CNBD1: variants seen among roughly 807,000 people sequenced by gnomAD.
CNBD1 encodes cyclic nucleotide-binding domain-containing protein 1.
A neutral mutation model predicts 54.4 loss-of-function variants in CNBD1; 71 were observed. The ratio of observed to expected loss-of-function variants is 1.30; its 90% CI spans 1.08 to 1.59. CNBD1 has a LOEUF of 1.59. CNBD1 is among the 40% of genes most tolerant of loss of function. The pLI is 0.00. For missense variants in CNBD1, 659 were observed against 518.0 expected (o/e 1.27, Z -2.64); for synonymous variants, 182 against 170.7 (o/e 1.07, Z -0.51).
chr8:87,153,257 T>C (rs949990061), intron 4 of CNBD1, among the ~76,000 whole-genome samples: 1 of 152,206 alleles, frequency 6.6e-6, no homozygotes, highest in African/African-American at 2.4e-5. Flanking sequence ...GTGTCTGTAA[T>C]TATTTTGCTC....
At chr8:87,162,837 G>A (rs1338288260) in intron 4 of CNBD1, among the ~76,000 whole-genome samples, 1 of 152,060 alleles carries the variant, frequency 6.6e-6, no homozygotes, top group African/African-American at 2.4e-5. Context: ...CAGAATTCAG[G>A]TGTTGCCAAC....
chr8:87,264,429 T>C (rs1162633558), intron 6 of CNBD1, among the ~76,000 whole-genome samples: 8 of 152,216 alleles, frequency 5.3e-5, no homozygotes, highest in Non-Finnish European at 7.3e-5. Flanking sequence ...TCCAAGTCTT[T>C]GCTATTGTGA....
At chr8:87,394,780 G>A (rs1258061196) in intron 2 of CNBD1, among the ~76,000 whole-genome samples, 3 of 151,734 alleles carry the variant, frequency 2.0e-5, no homozygotes, top group Non-Finnish European at 4.4e-5. Context: ...TCATCTGTTT[G>A]GTTAAGTTTT....
At position 87,182,924 on chromosome 8, in the gene CNBD1, AT is replaced by A. The variant is rs1162304429; in HGVS notation, c.432-23064del. 2.6e-5 allele frequency among the ~76,000 whole-genome samples: 4 copies of A among 152,130 alleles called. No individual in the cohort carries two copies. The highest frequency in any genetic ancestry group is 5.9e-5 in the Non-Finnish European group (4 of 67,994). On this transcript the variant is annotated intron_variant, in intron 4 of 10. Transcript: ENST00000518476. The surrounding 1 kb of genome is among the most constrained non-coding windows in gnomAD (Gnocchi z 4.1). ...TGGTTTAATTAGGTTACACTTATGTATTTTTGTTTTGTTACAATTGCTTTTG... is the reference window on the plus strand; with the variant it reads ...TGGTTTAATTAGGTTACACTTATGTATTTTGTTTTGTTACAATTGCTTTTG...
chr8:87,230,358 G>A (rs1814652242), intron 5 of CNBD1, among the ~76,000 whole-genome samples: 1 of 151,952 alleles, frequency 6.6e-6, no homozygotes, highest in South Asian at 2.1e-4. Context: ...TTCCCATTGA[G>A]GTTGTTTATA....
At chr8:87,095,652 A>G (rs1170983213) in intron 4 of CNBD1, among the ~76,000 whole-genome samples, 1 of 152,136 alleles carries the variant, frequency 6.6e-6, no homozygotes, top group African/African-American at 2.4e-5. Flanking sequence ...CCATATATAT[A>G]TATCTGTTCT....
chr8:87,045,228 T>C (rs752069740), intron 4 of CNBD1, among the ~76,000 whole-genome samples: 14 of 152,180 alleles, frequency 9.2e-5, no homozygotes, highest in Middle Eastern at 3.4e-3. Context: ...GGTTATAGCA[T>C]TGAGTATACA....
chr8:87,041,786 A>G (rs1810076537), intron 4 of CNBD1, among the ~76,000 whole-genome samples: 1 of 152,124 alleles, frequency 6.6e-6, no homozygotes, highest in South Asian at 2.1e-4. Context: ...GCGACAGAGC[A>G]AGACTCCGTC....
intron 2 of CNBD1, among the ~76,000 whole-genome samples, chr8:87,404,207 G>T (rs1039050585): frequency 6.6e-6 from 1 of 152,008 alleles, no homozygotes; most frequent in Non-Finnish European, 1.5e-5. Flanking sequence ...CAGGGGTAGG[G>T]AAGTGGGGAT....
At chr8:87,305,647 A>T (rs147326390) in intron 8 of CNBD1, among the ~76,000 whole-genome samples, 200 of 152,178 alleles carry the variant, frequency 1.3e-3, no homozygotes, top group Non-Finnish European at 2.1e-3. Flanking sequence ...CGAAAACATA[A>T]AGTAGGGAAA....
intron 5 of CNBD1, among the ~76,000 whole-genome samples, chr8:87,219,988 T>C (rs554580288): frequency 3.3e-5 from 5 of 152,104 alleles, no homozygotes; most frequent in African/African-American, 1.2e-4. Context: ...TTAATTATCA[T>C]AAATTCCTAT....
At chr8:87,344,963 G>A (rs1025085500) in intron 8 of CNBD1, among the ~76,000 whole-genome samples, 2 of 152,112 alleles carry the variant, frequency 1.3e-5, no homozygotes, top group African/African-American at 4.8e-5. Context: ...TACAGAAACT[G>A]AAAACATAGA....
At chr8:87,013,174 G>A (rs1037981748) in intron 4 of CNBD1, among the ~76,000 whole-genome samples, 1 of 152,154 alleles carries the variant, frequency 6.6e-6, no homozygotes, top group Admixed American at 6.5e-5. Context: ...AGTAGAACTG[G>A]TAAGTCCTTC....
At position 87,182,715 on chromosome 8, in the gene CNBD1, T is replaced by A. The variant is rs1204664119; in HGVS notation, c.432-23278T>A. On this transcript the variant is annotated intron_variant, in intron 4 of 10. Coordinates refer to ENST00000518476, the MANE Select transcript of CNBD1 (RefSeq NM_173538.3). This position sits in a 1 kb window ranked among gnomAD's most constrained non-coding sequence, Gnocchi z 4.1. ...TTCTTTTGAGAAGTGTCTGTTCATG[T>A]CTTCTGCCCATTTTTAAATGGGGTT... Among the ~76,000 whole-genome samples the A allele has an allele frequency of 6.6e-6, 1 of 152,182 alleles. No individual in the cohort carries two copies. The highest frequency in any genetic ancestry group is 1.5e-5 in the Non-Finnish European group (1 of 68,026).
chr8:87,261,415 T>G lies in CNBD1; in HGVS notation c.772-23263T>G, dbSNP rs370726948. Among the ~76,000 whole-genome samples the G allele has an allele frequency of 1.3e-4, 20 of 152,048 alleles. 1 individual carries two copies. The highest frequency in any genetic ancestry group is 4.8e-4 in the African/African-American group (20 of 41,482). ...AAGAAAAACTTCAGCTGAATTAAATTTAATGGAGTTTAATTGAGCAATGAA... is the reference window on the plus strand; with the variant it reads ...AAGAAAAACTTCAGCTGAATTAAATGTAATGGAGTTTAATTGAGCAATGAA... On this transcript the variant is annotated intron_variant, in intron 6 of 10. Transcript: ENST00000518476.
chr8:87,412,015 T>A (rs1807754994), intron 2 of CNBD1, among the ~76,000 whole-genome samples: 1 of 152,060 alleles, frequency 6.6e-6, no homozygotes, highest in Admixed American at 6.6e-5. Context: ...TACCTTGACA[T>A]TCATTAGTGC....
At chr8:86,911,044 T>C (rs1188058360) in intron 3 of CNBD1, among the ~76,000 whole-genome samples, 1 of 152,202 alleles carries the variant, frequency 6.6e-6, no homozygotes, top group Non-Finnish European at 1.5e-5. Context: ...CCCTAATCTT[T>C]TATTATGCAA....
At chr8:87,385,197 G>T (rs965254200), downstream of CNBD1, among the ~76,000 whole-genome samples, 1 of 152,094 alleles carries the variant, frequency 6.6e-6, no homozygotes. Flanking sequence ...CTTGAGTAAC[G>T]CAGAAGATGG....
At position 87,166,611 on chromosome 8, in the gene CNBD1, GC is replaced by G. The variant is rs1411510314; in HGVS notation, c.432-39379del. Among the ~76,000 whole-genome samples, 1 of 151,866 alleles carries G rather than the reference GC, an allele frequency of 6.6e-6. No homozygotes were observed. Among genetic ancestry groups the G allele is most frequent in the Non-Finnish European group, 1.5e-5 (1 of 67,920 alleles). ...CAATGTTCATTATTTCCAAAGTCCA[GC>G]CCTTCTCACAGTTCTCTGGCTCTTT... On this transcript the variant is annotated intron_variant, in intron 4 of 10. Coordinates refer to ENST00000518476, the MANE Select transcript of CNBD1 (RefSeq NM_173538.3). The surrounding 1 kb of genome is among the most constrained non-coding windows in gnomAD (Gnocchi z 4.3).
Sources: gnomAD v4.1 joint callset for allele counts (sites outside exome capture counted in the v4.1 genomes callset) on GRCh38, gnomAD v4.1.1 for gene constraint, Gnocchi (gnomAD v3.1) non-coding constraint, MANE v1.5 for transcripts, NCBI Gene and HGNC (gene_info 2026-07-23, HGNC 2026-07-21) for gene names.